KIF16B: variants seen among roughly 807,000 people sequenced by gnomAD.
KIF16B encodes kinesin-like protein KIF16B.
KIF16B carries 98 observed loss-of-function variants against 156.3 expected under a neutral mutation model. That is an observed-to-expected ratio of 0.63 (90% CI 0.53 to 0.74). The LOEUF (loss-of-function observed/expected upper bound fraction) is 0.74, where lower values mean the gene tolerates loss of function less well. KIF16B is among the 30% of genes least tolerant of loss of function. The pLI is 0.00. For synonymous variants in KIF16B, 564 were observed against 583.7 expected (o/e 0.97, Z 0.49); for missense variants, 1,421 against 1,606.5 (o/e 0.88, Z 1.97).
At chr20:16,290,179 C>T (rs888814488) in intron 25 of KIF16B, among the ~76,000 whole-genome samples, 12 of 152,318 alleles carry the variant, frequency 7.9e-5, no homozygotes, top group African/African-American at 2.9e-4. Context: ...GAGAATCTTG[C>T]TGTGTGGTAC....
rs147552189 is a variant in KIF16B at position 16,421,035 on chromosome 20, G to C, written c.1612+6069C>G. ...CTGCTGTAATTATTTTTGGACAGGG[G>C]TCATGGGTGAGGGCTAGGGGATGAA... On this transcript the variant is annotated intron_variant, in intron 15 of 25. Transcript: ENST00000354981. Among the ~76,000 whole-genome samples the C allele has an allele frequency of 3.3e-5, 5 of 152,212 alleles. No individual in the cohort carries two copies. The East Asian group carries it at 9.7e-4, about 29-fold the overall frequency.
At chr20:16,345,191 C>A (rs536927352) in intron 23 of KIF16B, among the ~76,000 whole-genome samples, 1 of 152,230 alleles carries the variant, frequency 6.6e-6, no homozygotes, top group South Asian at 2.1e-4. Flanking sequence ...TGGCTCCATG[C>A]TGCTCAATTT....
intron 3 of KIF16B, among the ~76,000 whole-genome samples, chr20:16,523,072 A>G (rs1250369386): frequency 6.6e-6 from 1 of 152,228 alleles, no homozygotes; most frequent in African/African-American, 2.4e-5. Flanking sequence ...CCCACAGCCA[A>G]TATCATACTG....
At chr20:16,310,447 C>T (rs1458158045) in intron 25 of KIF16B, among the ~76,000 whole-genome samples, 1 of 152,206 alleles carries the variant, frequency 6.6e-6, no homozygotes, top group African/African-American at 2.4e-5. Context: ...GCTGTGCTCA[C>T]AAATGCATGG....
chr20:16,501,324 A>T (rs1348248881), intron 10 of KIF16B, among the ~76,000 whole-genome samples: 2 of 89,708 alleles, frequency 2.2e-5, no homozygotes, highest in Non-Finnish European at 6.0e-5. Flanking sequence ...CCAAGAATTG[A>T]ATTCTTGGTT....
At chr20:16,514,911 A>G (rs1325979953) in intron 4 of KIF16B, among the ~76,000 whole-genome samples, 1 of 149,032 alleles carries the variant, frequency 6.7e-6, no homozygotes, top group Non-Finnish European at 1.5e-5. Flanking sequence ...AAAAAAAAAA[A>G]AAAGAAAACA....
chr20:16,422,607 T>C (rs945987871), intron 15 of KIF16B, among the ~76,000 whole-genome samples: 3 of 152,142 alleles, frequency 2.0e-5, no homozygotes, highest in Admixed American at 2.0e-4. Context: ...ATTTGTGATT[T>C]AAGAACTACT....
At chr20:16,563,954 C>T (rs539110536) in intron 1 of KIF16B, among the ~76,000 whole-genome samples, 2 of 152,306 alleles carry the variant, frequency 1.3e-5, no homozygotes, top group Admixed American at 1.3e-4. Flanking sequence ...ACAGCAGCAA[C>T]TCTCCCCTCC....
At chr20:16,525,416 T>A (rs2069503486) in intron 3 of KIF16B, among the ~76,000 whole-genome samples, 1 of 152,144 alleles carries the variant, frequency 6.6e-6, no homozygotes, top group African/African-American at 2.4e-5. Flanking sequence ...TCTGCTCAAA[T>A]AAGCAGCTTT....
chr20:16,372,358 G>A (rs763965937), intron 20 of KIF16B, among the ~76,000 whole-genome samples: 5 of 152,152 alleles, frequency 3.3e-5, no homozygotes, highest in South Asian at 2.1e-4. Flanking sequence ...AGACCACATC[G>A]TAAAGGTCTC....
At chr20:16,416,115 T>A (rs1013961634) in intron 15 of KIF16B, among the ~76,000 whole-genome samples, 1 of 152,214 alleles carries the variant, frequency 6.6e-6, no homozygotes, top group African/African-American at 2.4e-5. Flanking sequence ...ATTAGACCTT[T>A]GTCAGATGAA....
rs767305044 is a variant in KIF16B at position 16,276,737 on chromosome 20, T to A, written c.3796-3326A>T. ...TACAGCTGGGGACACAAGACAGAAC[T>A]AGAATTCTAGAAAGTTCTTAAGGTC... On this transcript the variant is annotated intron_variant, in intron 25 of 25. Coordinates refer to ENST00000354981, the MANE Select transcript of KIF16B (RefSeq NM_024704.5). Among the ~76,000 whole-genome samples the A allele has an allele frequency of 2.6e-5, 4 of 152,124 alleles. No homozygotes were observed. The South Asian group carries it at 8.3e-4, about 32-fold the overall frequency.
At chr20:16,529,285 TA>T (rs1318827262) in intron 1 of KIF16B, among the ~76,000 whole-genome samples, 1 of 152,196 alleles carries the variant, frequency 6.6e-6, no homozygotes, top group Non-Finnish European at 1.5e-5. Context: ...AGGTCATCTT[TA>T]GAACGATAAA....
rs1235211534 is a variant in KIF16B at position 16,538,299 on chromosome 20, C to A, written c.48-9859G>T. On this transcript the variant is annotated intron_variant, in intron 1 of 25. Transcript: ENST00000354981. ...AACGCCAGGCACTGAGATTACCCAG[C>A]CTCTCAGGTCAATTTCCTCTGACAT... 2.6e-5 allele frequency among the ~76,000 whole-genome samples: 4 copies of A among 152,142 alleles called. No homozygotes were observed. In the East Asian group the frequency reaches 5.8e-4, roughly 22 times the overall value.
chr20:16,499,680 A>C (rs2146967924), intron 10 of KIF16B, among the ~76,000 whole-genome samples: 1 of 152,336 alleles, frequency 6.6e-6, no homozygotes, highest in African/African-American at 2.4e-5. Flanking sequence ...TCCATTGTTG[A>C]GACTTTTATT....
chr20:16,458,676 G>A (rs1332329987), intron 12 of KIF16B, among the ~76,000 whole-genome samples: 2 of 152,100 alleles, frequency 1.3e-5, no homozygotes, highest in Non-Finnish European at 1.5e-5. Flanking sequence ...AGGGAAGAAA[G>A]GAGGGAGAGA....
chr20:16,488,923 T>G (rs562101645), intron 12 of KIF16B, among the ~76,000 whole-genome samples: 5 of 152,216 alleles, frequency 3.3e-5, no homozygotes, highest in Admixed American at 6.5e-5. Flanking sequence ...AGAGCCTGCA[T>G]GTGGAACACA....
At chr20:16,281,450 G>C (rs2063144882) in intron 25 of KIF16B, among the ~76,000 whole-genome samples, 1 of 152,158 alleles carries the variant, frequency 6.6e-6, no homozygotes, top group Admixed American at 6.5e-5. Context: ...ACCTGAAAGA[G>C]TTCAGGTCAC....
chr20:16,289,192 G>A (rs987814294), intron 25 of KIF16B, among the ~76,000 whole-genome samples: 3 of 152,056 alleles, frequency 2.0e-5, no homozygotes, highest in Non-Finnish European at 2.9e-5. Flanking sequence ...TGCTAAAAGT[G>A]AAAAACAGAA....
Sources: gnomAD v4.1 joint callset for allele counts (sites outside exome capture counted in the v4.1 genomes callset) on GRCh38, gnomAD v4.1.1 for gene constraint, MANE v1.5 for transcripts, NCBI Gene and HGNC (gene_info 2026-07-23, HGNC 2026-07-21) for gene names.